Variants in CFAP299 observed in about 807,000 individuals in gnomAD.
The protein encoded by CFAP299 is cilia- and flagella-associated protein 299.
A neutral mutation model predicts 27.0 loss-of-function variants in CFAP299; 21 were observed. That is an observed-to-expected ratio of 0.78 (90% CI 0.55 to 1.12). CFAP299 has a LOEUF of 1.12. Among genes scored for constraint, CFAP299 ranks in the 50% most tolerant of loss-of-function variants. The pLI is 0.00. For synonymous variants in CFAP299, 104 were observed against 98.1 expected (o/e 1.06, Z -0.36); for missense variants, 310 against 276.6 (o/e 1.12, Z -0.86).
At chr4:80,922,944 T>C (rs1736117680) in intron 4 of CFAP299, among the ~76,000 whole-genome samples, 1 of 151,520 alleles carries the variant, frequency 6.6e-6, no homozygotes, top group Non-Finnish European at 1.5e-5. Context: ...TTACATATAT[T>C]TGAAAGAGAG....
intron 3 of CFAP299, among the ~76,000 whole-genome samples, chr4:80,794,370 G>C (rs760623175): frequency 5.3e-5 from 8 of 152,182 alleles, no homozygotes; most frequent in Non-Finnish European, 1.2e-4. Flanking sequence ...GTGATGGCAA[G>C]TGTTGCCACT....
chr4:80,574,439 G>C (rs1414639847), intron 2 of CFAP299, among the ~76,000 whole-genome samples: 2 of 151,998 alleles, frequency 1.3e-5, no homozygotes, highest in Non-Finnish European at 2.9e-5. Flanking sequence ...TTTCTAATTG[G>C]ATGACCCTTA....
intron 3 of CFAP299, among the ~76,000 whole-genome samples, chr4:80,591,105 AT>A (rs70944795): frequency 0.074 from 9,431 of 126,692 alleles, 787 homozygotes; most frequent in African/African-American, 0.26. Context: ...ACTTTAGGAA[AT>A]TTTTTTTTTT....
At chr4:80,948,903 T>C (rs898493486) in intron 5 of CFAP299, among the ~76,000 whole-genome samples, 1 of 152,116 alleles carries the variant, frequency 6.6e-6, no homozygotes, top group Non-Finnish European at 1.5e-5. Flanking sequence ...TCATTTGATA[T>C]AGCAGTGATA....
chr4:80,872,117 G>A (rs1194506758), intron 4 of CFAP299: 1 of 151,852 alleles, frequency 6.6e-6, no homozygotes, highest in South Asian at 2.1e-4. Flanking sequence ...TACTATCTAT[G>A]TTCCTCTATT....
chr4:80,598,839 G>A (rs911791760), intron 3 of CFAP299, among the ~76,000 whole-genome samples: 4 of 152,136 alleles, frequency 2.6e-5, no homozygotes, highest in Admixed American at 6.5e-5. Flanking sequence ...CAAAGAAATC[G>A]TAAGAGAATA....
At chr4:80,619,843 A>G (rs1229379259) in intron 3 of CFAP299, among the ~76,000 whole-genome samples, 1 of 152,130 alleles carries the variant, frequency 6.6e-6, no homozygotes, top group Non-Finnish European at 1.5e-5. Context: ...AATTATAATG[A>G]GATAAACTGG....
At chr4:80,620,396 A>G (rs1738522608) in intron 3 of CFAP299, among the ~76,000 whole-genome samples, 2 of 152,298 alleles carry the variant, frequency 1.3e-5, no homozygotes, top group South Asian at 2.1e-4. Context: ...GGGAATGACC[A>G]TGGAGTTGCC....
intron 2 of CFAP299, among the ~76,000 whole-genome samples, chr4:80,576,193 AAAAAAT>A (rs75173021): frequency 3.0e-5 from 1 of 33,300 alleles, no homozygotes; most frequent in Non-Finnish European, 6.9e-5. Flanking sequence ...ATAATAAAAA[AAAAAAT>A]ATATATATAT....
At chr4:80,925,336 G>A (rs1736254159) in intron 4 of CFAP299, among the ~76,000 whole-genome samples, 1 of 151,834 alleles carries the variant, frequency 6.6e-6, no homozygotes, top group African/African-American at 2.4e-5. Context: ...TGCTTCTTAA[G>A]AGTGAAACAA....
upstream of CFAP299, among the ~76,000 whole-genome samples, chr4:80,334,043 T>A (rs189566378): frequency 2.6e-5 from 4 of 152,304 alleles, no homozygotes; most frequent in Non-Finnish European, 5.9e-5. Flanking sequence ...TTTCTTGATA[T>A]TAATAGAGAA....
At chr4:80,608,234 A>G in intron 3 of CFAP299, 2 of 709,374 alleles carry the variant, frequency 2.8e-6, no homozygotes, top group East Asian at 2.7e-5. Flanking sequence ...ACTGATTCCA[A>G]CAGTACCAGA....
At chr4:80,336,696 C>G (rs1409588813) in intron 1 of CFAP299, 1 of 152,194 alleles carries the variant, frequency 6.6e-6, no homozygotes. Context: ...CCTAAAGTCC[C>G]AGTATATTCC....
chr4:80,784,708 G>A (rs951630212), intron 3 of CFAP299, among the ~76,000 whole-genome samples: 19 of 151,782 alleles, frequency 1.3e-4, no homozygotes, highest in Admixed American at 1.3e-4. Context: ...GTGGAGACTA[G>A]AAATGGGTTT....
chr4:80,793,208 C>T (rs1295366745), intron 3 of CFAP299, among the ~76,000 whole-genome samples: 1 of 151,590 alleles, frequency 6.6e-6, no homozygotes, highest in African/African-American at 2.4e-5. Context: ...GCAAGGAGAG[C>T]CAGTCTGAGT....
At chr4:80,436,594 G>A (rs189625612) in intron 2 of CFAP299, among the ~76,000 whole-genome samples, 3 of 152,162 alleles carry the variant, frequency 2.0e-5, no homozygotes, top group African/African-American at 4.8e-5. Flanking sequence ...GAGCCACCGT[G>A]CCTGGCCAAA....
chr4:80,871,581 G>A, intron 4 of CFAP299: 3 of 985,340 alleles, frequency 3.0e-6, no homozygotes, highest in Non-Finnish European at 3.6e-6. Flanking sequence ...CATCACCCTT[G>A]AAACCAAAGG....
intron 2 of CFAP299, among the ~76,000 whole-genome samples, chr4:80,401,760 C>T (rs1252483229): frequency 6.6e-6 from 1 of 152,142 alleles, no homozygotes; most frequent in East Asian, 1.9e-4. Flanking sequence ...TCCTCCAGTT[C>T]CCAGAATCGT....
At chr4:80,747,575 C>T (rs1257155102) in intron 3 of CFAP299, among the ~76,000 whole-genome samples, 1 of 151,940 alleles carries the variant, frequency 6.6e-6, no homozygotes, top group Non-Finnish European at 1.5e-5. Flanking sequence ...GTCCTGGTTT[C>T]CTTATTATTA....
Sources: allele counts gnomAD v4.1 joint callset (sites outside exome capture counted in the v4.1 genomes callset), GRCh38; gene constraint gnomAD v4.1.1; transcripts MANE v1.5; gene names NCBI Gene and HGNC (gene_info 2026-07-23, HGNC 2026-07-21).